SEMA4F: variants seen among roughly 807,000 people sequenced by gnomAD.
SEMA4F encodes the protein ssemaphorin 4F.
SEMA4F carries 51 observed loss-of-function variants against 78.4 expected under a neutral mutation model. The observed-to-expected ratio is 0.65, with a 90% CI of 0.52 to 0.82. The LOEUF is 0.82. Among genes scored for constraint, SEMA4F ranks in the 40% least tolerant of loss-of-function variants. The pLI is 0.00. For synonymous variants in SEMA4F, 418 were observed against 408.7 expected, an observed-to-expected ratio of 1.02 and a Z score of -0.27; for missense variants, 938 against 1,014.4, an observed-to-expected ratio of 0.92 and a Z score of 1.02.
At chr2:74,672,680 T>A (rs3025991) in intron 5 of SEMA4F, among the ~76,000 whole-genome samples, 5 of 151,864 alleles carry the variant, frequency 3.3e-5, no homozygotes, top group South Asian at 2.1e-4. Flanking sequence ...CCCTTCCTTC[T>A]CAGAGTGTCT....
downstream of SEMA4F, among the ~76,000 whole-genome samples, chr2:74,686,987 TA>T (rs999578064): frequency 2.0e-5 from 3 of 148,404 alleles, no homozygotes; most frequent in African/African-American, 2.5e-5. Context: ...AAGTATAATT[TA>T]AAAAAAAAAG....
At chr2:74,676,139 C>A (rs957361570) in intron 12 of SEMA4F, among the ~76,000 whole-genome samples, 1 of 152,248 alleles carries the variant, frequency 6.6e-6, no homozygotes, top group African/African-American at 2.4e-5. Flanking sequence ...CTGCCTTGAC[C>A]TGACAGTGTG....
intron 5 of SEMA4F, among the ~76,000 whole-genome samples, chr2:74,666,304 A>T (rs191785163): frequency 6.6e-6 from 1 of 152,340 alleles, no homozygotes; most frequent in Admixed American, 6.5e-5. Flanking sequence ...TAAGAATACA[A>T]ATTTCCAGTT....
At position 74,658,421 on chromosome 2, in the gene SEMA4F, C is replaced by A. The variant is rs555298167; in HGVS notation, c.456+470C>A. The stretch of plus-strand genomic sequence containing the variant: ...CACCTTCTCCTACTTCCACTGCCAA[C>A]CTCATTGTATATGGGCTGTGAGTCT... On this transcript the variant is annotated intron_variant, in intron 4 of 13. Coordinates refer to ENST00000357877, the MANE Select transcript of SEMA4F (RefSeq NM_004263.5). This position sits in a 1 kb window ranked among gnomAD's most constrained non-coding sequence, Gnocchi z 4.3. Among the ~76,000 whole-genome samples the A allele has an allele frequency of 6.6e-6, 1 of 152,356 alleles. No homozygotes were observed. Among genetic ancestry groups the A allele is most frequent in the Admixed American group, 6.5e-5 (1 of 15,302 alleles).
At position 74,679,842 on chromosome 2, in the gene SEMA4F, A is replaced by C; in HGVS notation, c.1946A>C (p.Gln649Pro). The change falls in exon 14 of 14, where the codon CAG becomes CCG. Residue 649 changes from glutamine to proline, a missense_variant. Physicochemically the swap from Gln to Pro is moderately conservative, Grantham distance 76. Coordinates refer to ENST00000357877, the MANE Select transcript of SEMA4F (RefSeq NM_004263.5). ...GCTTACAGCTTGGTATGGGGCAGCC[A>C]GCGAGATGCTCCGAGCCGGGCCCAC... is the stretch of plus-strand genomic sequence containing the variant. ...VAAYSLVWGS[Q>P]RDAPSRAHTV... 1 of 1,614,200 alleles carries C rather than the reference A, an allele frequency of 6.2e-7. No individual in the cohort carries two copies. Among genetic ancestry groups the C allele is most frequent in the Non-Finnish European group, 8.5e-7 (1 of 1,180,018 alleles).
At chr2:74,703,831 A>G in the SEMA4F span, among the ~76,000 whole-genome samples, 674 of 152,332 alleles carry the variant, frequency 4.4e-3, 5 homozygotes, top group African/African-American at 0.016. Flanking sequence ...GGAGCTGCCA[A>G]TAGGAGGGTC....
chr2:74,697,380 T>G, the SEMA4F span, among the ~76,000 whole-genome samples: 56,579 of 152,128 alleles, frequency 0.37, 17,453 homozygotes, highest in East Asian at 0.82. Context: ...AGAGGCTGTT[T>G]CTTAGAATAG....
intron 5 of SEMA4F, among the ~76,000 whole-genome samples, chr2:74,672,765 T>C (rs1380234164): frequency 6.6e-6 from 1 of 152,172 alleles, no homozygotes; most frequent in Non-Finnish European, 1.5e-5. Context: ...AGGGAGGACC[T>C]GATTCCTTGT....
At chr2:74,671,344 G>C (rs28606560) in intron 5 of SEMA4F, among the ~76,000 whole-genome samples, 1 of 152,130 alleles carries the variant, frequency 6.6e-6, no homozygotes, top group South Asian at 2.1e-4. Flanking sequence ...CCTGAGACAC[G>C]CTGCTTCTCT....
chr2:74,675,809 C>T lies in SEMA4F; in HGVS notation c.1543C>T (p.Arg515Cys), dbSNP rs138794337. Residue 515 changes from arginine (R) to cysteine (C), a missense_variant, in exon 12 of 14, where the codon CGT becomes TGT. Arg to Cys is a radical substitution (Grantham distance 180, BLOSUM62 -3). Coordinates refer to ENST00000357877, the MANE Select transcript of SEMA4F (RefSeq NM_004263.5). ...VTQVNTTNCG[R>C]LQSCSECILA... is the part of the protein sequence containing the mutation. ...ACAAGTGAATACAACCAACTGTGGC[C>T]GTCTCCAGAGCTGCTCAGAGTGCAT... The T allele has an allele frequency of 4.0e-5, 64 of 1,614,080 alleles. No individual in the cohort carries two copies. In the African/African-American group the frequency reaches 7.2e-4, roughly 18 times the overall value.
chr2:74,698,143 A>T, the SEMA4F span, among the ~76,000 whole-genome samples: 4 of 152,214 alleles, frequency 2.6e-5, no homozygotes, highest in Non-Finnish European at 4.4e-5. Context: ...CCAAAGAAGA[A>T]CCCTCTAAAA....
chr2:74,654,538 C>T lies in SEMA4F; in HGVS notation c.145+17C>T. ...CAATCTCTGGTAAGGCGCGGACGCC[C>T]ACGCCCTCAGCCCTTCGCGCCCACA... On this transcript the variant is annotated intron_variant, in intron 1 of 13. Coordinates refer to ENST00000357877, the MANE Select transcript of SEMA4F (RefSeq NM_004263.5). The T allele has an allele frequency of 6.5e-7, 1 of 1,539,352 alleles. No individual in the cohort carries two copies. The highest frequency in any genetic ancestry group is 8.7e-7 in the Non-Finnish European group (1 of 1,144,480).
chr2:74,680,107 T>C lies in SEMA4F; in HGVS notation c.2211T>C (p.Phe737=). The C allele has an allele frequency of 1.2e-6, 2 of 1,613,646 alleles. No homozygotes were observed. The highest frequency in any genetic ancestry group is 2.2e-5 in the South Asian group (2 of 91,076). ...CCCTGGCCAAGAGGGGCAGTGGCTT[T>C]GGTGGATTCTCACCACCCTTCCTGC... ...PLALAKRGSG[F]GGFSPPFLLD... is the part of the protein sequence containing the mutation. Residue 737 remains phenylalanine, a synonymous_variant, in exon 14 of 14, where the codon TTT becomes TTC. Transcript: ENST00000357877.
chr2:74,699,557 G>A, the SEMA4F span, among the ~76,000 whole-genome samples: 5 of 152,300 alleles, frequency 3.3e-5, no homozygotes, highest in African/African-American at 9.6e-5. Context: ...ATATAGATTT[G>A]AGAATCATTA....
At chr2:74,684,356 A>T (rs1685765236), downstream of SEMA4F, among the ~76,000 whole-genome samples, 1 of 152,102 alleles carries the variant, frequency 6.6e-6, no homozygotes, top group Admixed American at 6.5e-5. Flanking sequence ...AGGCTTTGCT[A>T]TGATGCGATA....
At chr2:74,704,286 T>A in the SEMA4F span, among the ~76,000 whole-genome samples, 4 of 150,560 alleles carry the variant, frequency 2.7e-5, no homozygotes, top group African/African-American at 9.8e-5. Flanking sequence ...ACTAGAGTCT[T>A]ACCTCTATTT....
downstream of SEMA4F, chr2:74,683,921 A>C (rs1354508625): frequency 1.3e-5 from 2 of 152,120 alleles, no homozygotes; most frequent in Non-Finnish European, 2.9e-5. Context: ...ATCTGTCTGG[A>C]GCATATGCGT....
chr2:74,654,619 GC>G (rs1684022728), intron 1 of SEMA4F, 98 bp downstream of exon 1: 2 of 1,128,094 alleles, frequency 1.8e-6, no homozygotes, highest in African/African-American at 3.3e-5. Context: ...GGGCCTCTCA[GC>G]CTGGTGTATG....
At chr2:74,707,902 C>T in the SEMA4F span, among the ~76,000 whole-genome samples, 16 of 152,124 alleles carry the variant, frequency 1.1e-4, no homozygotes, top group African/African-American at 3.9e-4. Context: ...GGGGTCTCCT[C>T]AAGATCGGTT....
Sources: gnomAD v4.1 joint callset for allele counts (sites outside exome capture counted in the v4.1 genomes callset) on GRCh38, gnomAD v4.1.1 for gene constraint, Gnocchi (gnomAD v3.1) non-coding constraint, MANE v1.5 for transcripts, NCBI Gene and HGNC (gene_info 2026-07-23, HGNC 2026-07-21) for gene names.